Variants in AVIL observed in about 807,000 individuals in gnomAD.
AVIL encodes advillin.
A neutral mutation model predicts 109.9 loss-of-function variants in AVIL; 78 were observed. The observed-to-expected ratio is 0.71, with a 90% CI of 0.59 to 0.86. AVIL has a LOEUF of 0.86. AVIL is among the 40% of genes least tolerant of loss of function. The pLI is 0.00. For missense variants in AVIL, 892 were observed against 1,016.5 expected (o/e 0.88, Z 1.67); for synonymous variants, 367 against 379.1 (o/e 0.97, Z 0.37).
At position 57,798,102 on chromosome 12, in the gene AVIL, G is replaced by C. The variant is rs1308058394; in HGVS notation, c.2347-107C>G. The C allele has an allele frequency of 9.8e-6, 6 of 611,532 alleles. No homozygotes were observed. The Admixed American group carries it at 2.2e-4, about 23-fold the overall frequency. 37.9% of individuals were successfully genotyped at this position (611,532 alleles called of 1,614,324 possible). A position where few individuals can be genotyped will look rare whatever the true frequency, so the allele number is the denominator to read the frequency against. ...GGAGTTCTAGGTGGATCCTTGAAGA[G>C]GGAAGTAGAATGAATTTCTCAGAAA... On this transcript the variant is annotated intron_variant, in intron 19 of 19. Transcript: ENST00000549994.
At chr12:57,813,159 G>C (rs1956058058) in intron 4 of AVIL, 68 bp downstream of exon 4, 3 of 1,496,292 alleles carry the variant, frequency 2.0e-6, no homozygotes, top group African/African-American at 2.8e-5. Context: ...GATAATGCAT[G>C]TTGGCCTTTT....
chr12:57,806,988 G>A (rs935395983), intron 13 of AVIL, among the ~76,000 whole-genome samples: 1 of 152,194 alleles, frequency 6.6e-6, no homozygotes, highest in Non-Finnish European at 1.5e-5. Context: ...GAGCACATCT[G>A]AAGCAGGAGG....
intron 4 of AVIL, 152 bp downstream of exon 4, chr12:57,813,075 G>A (rs1956057047): frequency 1.0e-6 from 1 of 972,588 alleles, no homozygotes; most frequent in South Asian, 1.8e-5. Flanking sequence ...GCACCTCCCA[G>A]CTGTTTAATC....
Position 57,801,201 on chromosome 12 carries a change from T to C in AVIL, c.2163A>G (p.Thr721=). Residue 721 remains threonine, a synonymous_variant, in exon 18 of 20, where the codon ACA becomes ACG. Coordinates refer to ENST00000549994, the MANE Select transcript of AVIL (RefSeq NM_006576.4). ...CCAGCTCTTCTTTTAATTGTTCATA[T>C]GTTTTTCCTGCCTGAGAAGAAGAGA... ...WDPNIWSAGK[T]YEQLKEELGD... The C allele has an allele frequency of 6.2e-7, 1 of 1,613,558 alleles. No individual in the cohort carries two copies. The highest frequency in any genetic ancestry group is 8.5e-7 in the Non-Finnish European group (1 of 1,179,706).
Position 57,807,215 on chromosome 12 carries a change from T to C in AVIL, c.1491+116A>G, listed in dbSNP as rs373514654. 43 of 1,471,112 alleles carry C rather than the reference T, an allele frequency of 2.9e-5. 1 individual carries two copies. In the East Asian group the frequency reaches 3.6e-4, roughly 12 times the overall value. The allele number at this position is 1,471,112 out of a possible 1,614,324, so 91.1% of individuals were successfully genotyped here. On this transcript the variant is annotated intron_variant, in intron 13 of 19. Coordinates refer to ENST00000549994, the MANE Select transcript of AVIL (RefSeq NM_006576.4). Reference sequence around the variant, plus strand: ...AGGGATTAACCCCCTTCTTCCTCTGTCTAATCCAAGCCTGACTCCCTACCC... The same window carrying C: ...AGGGATTAACCCCCTTCTTCCTCTGCCTAATCCAAGCCTGACTCCCTACCC...
rs746498576 is a variant in AVIL, at chr12:57,816,013, C to T, written c.28G>A (p.Val10Met). The change falls in exon 2 of 20, where the codon GTG becomes ATG. Residue 10 changes from valine to methionine, a missense_variant. Physicochemically the swap from Val to Met is conservative, Grantham distance 21. Coordinates refer to ENST00000549994, the MANE Select transcript of AVIL (RefSeq NM_006576.4). ...ACAATGATCCCAGGGTCGTTGTCCA[C>T]AGCCCTGAAGGCACTGGTCAGAGGC... MPLTSAFRA[V>M]DNDPGIIVWR... 6.2e-7 allele frequency: 1 copy of T among 1,614,164 alleles called. No homozygotes were observed. The highest frequency in any genetic ancestry group is 8.5e-7 in the Non-Finnish European group (1 of 1,179,996).
In AVIL at chr12:57,813,845, G is replaced by A. The variant is rs531076797; in HGVS notation, c.141+307C>T. On this transcript the variant is annotated intron_variant, in intron 3 of 19. Transcript: ENST00000549994. ...CACTTTGAGGCTAGAGACAGGCCTTGCATTTATCAGGCCTTCTTCCACACC... is the reference window on the plus strand; with the variant it reads ...CACTTTGAGGCTAGAGACAGGCCTTACATTTATCAGGCCTTCTTCCACACC... 2.0e-5 allele frequency among the ~76,000 whole-genome samples: 3 copies of A among 152,324 alleles called. No individual in the cohort carries two copies. In the East Asian group the frequency reaches 5.8e-4, roughly 29 times the overall value.
intron 13 of AVIL, 60 bp from the exon 14 acceptor site, chr12:57,806,599 G>T: frequency 6.4e-7 from 1 of 1,573,040 alleles, no homozygotes. Flanking sequence ...GAGTGCTAGA[G>T]GAGCTGTTGT....
In AVIL at chr12:57,807,547, A is replaced by G. The variant is rs113336006; in HGVS notation, c.1332+43T>C. 11 of 1,614,242 alleles carry G rather than the reference A, an allele frequency of 6.8e-6. No homozygotes were observed. The African/African-American group carries it at 1.2e-4, about 18-fold the overall frequency. ...CTCCCCGCCCCAGCCCAGTGGCCAG[A>G]GGACACATCAGGATCCAAAGCTGAA... is the stretch of plus-strand genomic sequence containing the variant. On this transcript the variant is annotated intron_variant, in intron 12 of 19. Transcript: ENST00000549994.
chr12:57,803,157 T>C (rs1955884106), intron 16 of AVIL, 90 bp downstream of exon 16: 2 of 1,528,214 alleles, frequency 1.3e-6, no homozygotes, highest in Non-Finnish European at 9.0e-7. Flanking sequence ...AGGGCTACCC[T>C]GGGTTTATTC....
At position 57,809,579 on chromosome 12, in the gene AVIL, C is replaced by A; in HGVS notation, c.939+18G>T. 6.2e-7 allele frequency: 1 copy of A among 1,613,820 alleles called. No homozygotes were observed. The highest frequency in any genetic ancestry group is 8.5e-7 in the Non-Finnish European group (1 of 1,179,674). On this transcript the variant is annotated intron_variant, in intron 9 of 19. Transcript: ENST00000549994. Reference sequence around the variant, plus strand: ...TAGCAGAATTATTTGAACAGTATTGCACATCTGTAGCTCCTACCAGCGCTT... The same window carrying A: ...TAGCAGAATTATTTGAACAGTATTGAACATCTGTAGCTCCTACCAGCGCTT...
rs1482519668 is a variant in AVIL, at chr12:57,799,865, T to C, written c.2276A>G (p.Tyr759Cys). The change falls in exon 19 of 20, where the codon TAC becomes TGC. Residue 759 changes from tyrosine (Y) to cysteine (C), a missense_variant. By Grantham distance (194) the Tyr-to-Cys change is radical. Coordinates refer to ENST00000549994, the MANE Select transcript of AVIL (RefSeq NM_006576.4). ...LNSNDSEPKY[Y>C]PIAVLLKNQN... ...GTTTTTCAACAGAACTGCTATAGGG[T>C]AATATTTTGGCTCACTGTCATTAGA... 6.2e-7 allele frequency: 1 copy of C among 1,613,966 alleles called. No individual in the cohort carries two copies. The highest frequency in any genetic ancestry group is 2.2e-5 in the East Asian group (1 of 44,892).
At chr12:57,798,379 A>T (rs1371868856) in intron 19 of AVIL, among the ~76,000 whole-genome samples, 3 of 152,156 alleles carry the variant, frequency 2.0e-5, no homozygotes, top group Non-Finnish European at 4.4e-5. Context: ...TTTACCCATA[A>T]ATTTTCAAAT....
intron 1 of AVIL, 130 bp from the exon 2 acceptor site, chr12:57,816,189 A>G: frequency 1.4e-6 from 1 of 706,898 alleles, no homozygotes; most frequent in Non-Finnish European, 2.3e-6. Context: ...GCATCCCTGC[A>G]CCATTTCACA....
rs1955816394 is a variant in AVIL at position 57,800,049 on chromosome 12, C to G, written c.2221-129G>C. ...CACCCTCTGTAATCATCTTTGATAACAATGCTCCCCAAACCTGGCTGCATG... is the reference window on the plus strand; with the variant it reads ...CACCCTCTGTAATCATCTTTGATAAGAATGCTCCCCAAACCTGGCTGCATG... On this transcript the variant is annotated intron_variant, in intron 18 of 19. Transcript: ENST00000549994. 7.4e-6 allele frequency: 9 copies of G among 1,223,846 alleles called. No individual in the cohort carries two copies. In the Admixed American group the frequency reaches 2.0e-4, roughly 27 times the overall value. The allele number at this position is 1,223,846 out of a possible 1,614,324, so 75.8% of individuals were successfully genotyped here. A position where few individuals can be genotyped will look rare whatever the true frequency, so the allele number is the denominator to read the frequency against.
intron 9 of AVIL, chr12:57,809,307 C>G (rs891316469): frequency 2.3e-6 from 1 of 434,386 alleles, no homozygotes; most frequent in Non-Finnish European, 4.2e-6. Flanking sequence ...GCCCTGAGTG[C>G]TTTACAAATG....
chr12:57,799,979 A>T (rs1955814742), intron 18 of AVIL, 59 bp from the exon 19 acceptor site: 1 of 1,598,812 alleles, frequency 6.3e-7, no homozygotes, highest in Non-Finnish European at 8.6e-7. Flanking sequence ...GTGTGGTTAC[A>T]GTTCTGAATG....
At chr12:57,814,639 A>C (rs566601162) in intron 2 of AVIL, 1 of 169,308 alleles carries the variant, frequency 5.9e-6, no homozygotes, top group African/African-American at 2.4e-5. Context: ...GTGCTGGCCC[A>C]GGCCCATGTA....
chr12:57,802,549 T>C (rs1855246453), intron 16 of AVIL: 1 of 752,590 alleles, frequency 1.3e-6, no homozygotes, highest in Non-Finnish European at 2.3e-6. Flanking sequence ...TATGTGTATC[T>C]TCCAGGTCTG....
Sources: allele counts gnomAD v4.1 joint callset (sites outside exome capture counted in the v4.1 genomes callset), GRCh38; gene constraint gnomAD v4.1.1; transcripts MANE v1.5; gene names NCBI Gene and HGNC (gene_info 2026-07-23, HGNC 2026-07-21).